Variants in KCNIP4 observed in about 807,000 individuals in gnomAD.
KCNIP4 encodes the protein Kv channel-interacting protein 4.
In KCNIP4, 12 loss-of-function variants were observed where a neutral mutation model predicts 34.0. The ratio of observed to expected loss-of-function variants is 0.35; its 90% CI spans 0.23 to 0.57. The LOEUF (loss-of-function observed/expected upper bound fraction) is 0.57, where lower values mean the gene tolerates loss of function less well. Ranked by LOEUF, KCNIP4 falls within the 20% of genes least tolerant of loss-of-function variation. The pLI is 0.83. For missense variants in KCNIP4, 238 were observed against 311.7 expected, an observed-to-expected ratio of 0.76 and a Z score of 1.78; for synonymous variants, 124 against 102.2, an observed-to-expected ratio of 1.21 and a Z score of -1.29.
chr4:20,963,321 C>T (rs868204289), intron 1 of KCNIP4, among the ~76,000 whole-genome samples: 3 of 119,912 alleles, frequency 2.5e-5, no homozygotes, highest in African/African-American at 3.5e-5. Flanking sequence ...AGCGAGACTC[C>T]GTCTCAAAAA....
intron 3 of KCNIP4, among the ~76,000 whole-genome samples, chr4:20,836,034 A>T (rs1408045253): frequency 6.6e-6 from 1 of 152,036 alleles, no homozygotes; most frequent in Non-Finnish European, 1.5e-5. Flanking sequence ...CCCATTCTTT[A>T]TTTTTCCTCC....
intron 1 of KCNIP4, among the ~76,000 whole-genome samples, chr4:21,682,047 C>T (rs1467228643): frequency 6.6e-6 from 1 of 151,960 alleles, no homozygotes; most frequent in Non-Finnish European, 1.5e-5. Flanking sequence ...CACTATCATG[C>T]CCAGCTAATT....
At chr4:20,910,597 T>G (rs1200993981) in intron 1 of KCNIP4, among the ~76,000 whole-genome samples, 1 of 152,182 alleles carries the variant, frequency 6.6e-6, no homozygotes, top group African/African-American at 2.4e-5. Context: ...TTAGTTCTTT[T>G]TCCCTTTCGT....
intron 1 of KCNIP4, among the ~76,000 whole-genome samples, chr4:21,388,265 T>C (rs1577282277): frequency 1.3e-5 from 2 of 149,908 alleles, no homozygotes; most frequent in Non-Finnish European, 3.0e-5. Flanking sequence ...CCATATATAA[T>C]AAATATATAT....
At chr4:21,350,464 T>C (rs537096969) in intron 1 of KCNIP4, among the ~76,000 whole-genome samples, 73 of 152,274 alleles carry the variant, frequency 4.8e-4, no homozygotes, top group African/African-American at 1.6e-3. Context: ...ATCTGGCAAG[T>C]ACAAGGCATG....
chr4:20,907,361 T>C (rs1465273259), intron 1 of KCNIP4, among the ~76,000 whole-genome samples: 2 of 152,198 alleles, frequency 1.3e-5, no homozygotes, highest in African/African-American at 2.4e-5. Flanking sequence ...CTACTGTTAA[T>C]TGCTAGATTT....
intron 1 of KCNIP4, among the ~76,000 whole-genome samples, chr4:21,445,984 A>C (rs989468659): frequency 2.6e-5 from 4 of 152,258 alleles, no homozygotes; most frequent in African/African-American, 9.6e-5. Flanking sequence ...GACACTTCTC[A>C]AAAGAAGACA....
In KCNIP4 at chr4:21,015,635, T is replaced by G. The variant is rs554957954; in HGVS notation, c.62-132926A>C. On this transcript the variant is annotated intron_variant, in intron 1 of 8. Coordinates refer to ENST00000382152, the MANE Select transcript of KCNIP4 (RefSeq NM_025221.6). ...AATATAATATAGTATATTGTATTAATATAATATAATATAGTATATTGTATT... is the reference window on the plus strand; with the variant it reads ...AATATAATATAGTATATTGTATTAAGATAATATAATATAGTATATTGTATT... 4.8e-4 allele frequency among the ~76,000 whole-genome samples: 57 copies of G among 118,280 alleles called. 3 individuals are homozygous for G. In the South Asian group the frequency reaches 0.013, roughly 27 times the overall value. The allele number at this position is 118,280 out of a possible 152,430, so 77.6% of individuals were successfully genotyped here.
intron 1 of KCNIP4, among the ~76,000 whole-genome samples, chr4:21,536,624 C>CA (rs1306985437): frequency 6.6e-6 from 1 of 152,002 alleles, no homozygotes; most frequent in Non-Finnish European, 1.5e-5. Flanking sequence ...ACTAAAAATA[C>CA]AAAAAATATA....
At chr4:21,693,386 C>T (rs1711908139) in intron 1 of KCNIP4, among the ~76,000 whole-genome samples, 1 of 152,082 alleles carries the variant, frequency 6.6e-6, no homozygotes, top group African/African-American at 2.4e-5. Context: ...CATGGCGAAA[C>T]CTCGTCTCTA....
At chr4:21,266,584 A>G (rs998080760) in intron 1 of KCNIP4, among the ~76,000 whole-genome samples, 3 of 152,228 alleles carry the variant, frequency 2.0e-5, no homozygotes, top group South Asian at 2.1e-4. Flanking sequence ...GCTAAAGCTA[A>G]GAAGTAAAAA....
chr4:21,716,329 C>T (rs1029560105), intron 1 of KCNIP4, among the ~76,000 whole-genome samples: 4 of 152,020 alleles, frequency 2.6e-5, no homozygotes, highest in East Asian at 1.9e-4. Flanking sequence ...CTCTGCCTCC[C>T]GGGTTCAAGC....
chr4:21,151,405 AATTTTTTTTTTTTTTT>A (rs995332661), intron 1 of KCNIP4, among the ~76,000 whole-genome samples: 1 of 93,512 alleles, frequency 1.1e-5, no homozygotes, highest in African/African-American at 4.0e-5. Flanking sequence ...AACAAAAGAC[AATTTTTTTTTTTTTTT>A]TTTTTTTTTT....
intron 1 of KCNIP4, among the ~76,000 whole-genome samples, chr4:21,436,200 A>G (rs879588199): frequency 5.3e-5 from 8 of 152,132 alleles, no homozygotes; most frequent in Non-Finnish European, 1.2e-4. Flanking sequence ...ATGTGTTTGC[A>G]TTTGGATAGT....
intron 1 of KCNIP4, among the ~76,000 whole-genome samples, chr4:21,272,668 C>CT (rs1268815174): frequency 6.6e-6 from 1 of 152,116 alleles, no homozygotes; most frequent in Non-Finnish European, 1.5e-5. Context: ...CAAGCTATGC[C>CT]TGTTTAATTC....
intron 3 of KCNIP4, among the ~76,000 whole-genome samples, chr4:20,763,862 T>C (rs1309699584): frequency 6.6e-6 from 1 of 152,166 alleles, no homozygotes; most frequent in African/African-American, 2.4e-5. Context: ...CCACTGATGT[T>C]GTAACATGAA....
intron 1 of KCNIP4, among the ~76,000 whole-genome samples, chr4:21,300,449 T>G (rs1488611453): frequency 6.6e-6 from 1 of 152,142 alleles, no homozygotes; most frequent in Non-Finnish European, 1.5e-5. Flanking sequence ...TCATTATTAT[T>G]TTCATGCCTA....
intron 1 of KCNIP4, among the ~76,000 whole-genome samples, chr4:20,908,619 G>T (rs1223846217): frequency 1.3e-5 from 2 of 152,118 alleles, no homozygotes; most frequent in African/African-American, 4.8e-5. Context: ...AAGAGAACAG[G>T]TCAGGCATTA....
At chr4:21,778,794 T>C (rs1401399561) in intron 1 of KCNIP4, among the ~76,000 whole-genome samples, 1 of 152,088 alleles carries the variant, frequency 6.6e-6, no homozygotes, top group Non-Finnish European at 1.5e-5. Flanking sequence ...ATCAACTAAA[T>C]TTACTGAGCT....
Sources: allele counts gnomAD v4.1 joint callset (sites outside exome capture counted in the v4.1 genomes callset), GRCh38; gene constraint gnomAD v4.1.1; transcripts MANE v1.5; gene names NCBI Gene and HGNC (gene_info 2026-07-23, HGNC 2026-07-21).